The following CDYL variants were observed in gnomAD, a reference collection of about 807,000 sequenced individuals.
CDYL encodes the protein chromodomain Y-like protein.
A neutral mutation model predicts 47.3 loss-of-function variants in CDYL; 8 were observed. The ratio of observed to expected loss-of-function variants is 0.17; its 90% confidence interval spans 0.10 to 0.31. The LOEUF is 0.31. CDYL is among the 10% of genes least tolerant of loss of function. The pLI, the probability that CDYL is intolerant of heterozygous loss-of-function variation, is 1.00. For synonymous variants in CDYL, 266 were observed against 265.0 expected (o/e 1.00, Z -0.04); for missense variants, 471 against 701.4 (o/e 0.67, Z 3.71).
intron 1 of CDYL, among the ~76,000 whole-genome samples, chr6:4,712,868 G>A (rs1757176966): frequency 1.3e-5 from 2 of 152,220 alleles, no homozygotes; most frequent in Admixed American, 1.3e-4. Flanking sequence ...TACCAAGTAT[G>A]TGAGCCTGGG....
intron 1 of CDYL, among the ~76,000 whole-genome samples, chr6:4,829,491 A>G (rs1248822654): frequency 6.6e-6 from 1 of 152,192 alleles, no homozygotes; most frequent in African/African-American, 2.4e-5. Context: ...GATCAGTCTG[A>G]GGTGAAAGCC....
intron 1 of CDYL, among the ~76,000 whole-genome samples, chr6:4,848,179 A>G (rs1019829026): frequency 6.6e-6 from 1 of 152,156 alleles, no homozygotes; most frequent in Admixed American, 6.5e-5. Flanking sequence ...AAGGCAGGGT[A>G]TTTTTGGGAG....
intron 2 of CDYL, among the ~76,000 whole-genome samples, chr6:4,918,329 C>T (rs1757613382): frequency 6.6e-6 from 1 of 151,782 alleles, no homozygotes; most frequent in African/African-American, 2.4e-5. Context: ...TTAATTCTGC[C>T]TTATTCTCTG....
At chr6:4,853,741 G>C (rs930587532) in intron 1 of CDYL, among the ~76,000 whole-genome samples, 2 of 152,226 alleles carry the variant, frequency 1.3e-5, no homozygotes, top group East Asian at 3.8e-4. Flanking sequence ...TTGCGTACAG[G>C]ATAGAGCCCA....
intron 2 of CDYL, among the ~76,000 whole-genome samples, chr6:4,726,428 A>AG: frequency 6.6e-6 from 1 of 151,480 alleles, no homozygotes; most frequent in East Asian, 2.0e-4. Flanking sequence ...GCTACTCAGG[A>AG]GGCTGAGGCA....
At chr6:4,857,000 C>T (rs1168201490) in intron 1 of CDYL, among the ~76,000 whole-genome samples, 1 of 152,162 alleles carries the variant, frequency 6.6e-6, no homozygotes, top group Non-Finnish European at 1.5e-5. Flanking sequence ...GGGGGAAGTC[C>T]ACAGAGGTGA....
chr6:4,770,574 A>G (rs1478427097), intron 3 of CDYL, among the ~76,000 whole-genome samples: 1 of 152,078 alleles, frequency 6.6e-6, no homozygotes. Flanking sequence ...ACCAAATTAA[A>G]CTTCACATTC....
intron 1 of CDYL, among the ~76,000 whole-genome samples, chr6:4,829,956 T>C (rs1370083671): frequency 6.6e-6 from 1 of 152,344 alleles, no homozygotes; most frequent in African/African-American, 2.4e-5. Flanking sequence ...GCTTCTTGAT[T>C]CAATGTTCAC....
chr6:4,732,593 T>C (rs1582291484), intron 2 of CDYL, among the ~76,000 whole-genome samples: 1 of 145,310 alleles, frequency 6.9e-6, no homozygotes, highest in Admixed American at 7.1e-5. Flanking sequence ...GCCTGGGAGG[T>C]TGAGGCAGCA....
upstream of CDYL, chr6:4,773,154 G>A (rs1758363170): frequency 4.4e-6 from 2 of 457,258 alleles, no homozygotes; most frequent in Non-Finnish European, 8.8e-6. The surrounding 1 kb of genome is among the most constrained non-coding windows in gnomAD (Gnocchi z 4.6). Context: ...AATTATGTTG[G>A]CCTACAACAA....
chr6:4,896,672 G>C (rs1762293254), intron 2 of CDYL, among the ~76,000 whole-genome samples: 1 of 152,186 alleles, frequency 6.6e-6, no homozygotes, highest in Non-Finnish European at 1.5e-5. Flanking sequence ...CTGTTAGGCT[G>C]TTGGTCCACA....
intron 1 of CDYL, among the ~76,000 whole-genome samples, chr6:4,875,381 T>G (rs1205734509): frequency 6.6e-6 from 1 of 152,246 alleles, no homozygotes; most frequent in Non-Finnish European, 1.5e-5. Flanking sequence ...ATTGGGATTG[T>G]ATTGTATCTG....
chr6:4,878,975 A>C (rs1413802200), intron 1 of CDYL, among the ~76,000 whole-genome samples: 3 of 152,122 alleles, frequency 2.0e-5, no homozygotes, highest in African/African-American at 7.2e-5. Flanking sequence ...TTTATTTAGA[A>C]AAATTTACTA....
At chr6:4,728,449 G>T (rs1203884863) in intron 2 of CDYL, among the ~76,000 whole-genome samples, 2 of 152,212 alleles carry the variant, frequency 1.3e-5, no homozygotes, top group East Asian at 3.9e-4. Flanking sequence ...CTTCCGTCCC[G>T]CTTGCTTCTA....
At chr6:4,721,924 G>C (rs944771093) in intron 2 of CDYL, among the ~76,000 whole-genome samples, 4 of 151,492 alleles carry the variant, frequency 2.6e-5, no homozygotes, top group Non-Finnish European at 5.9e-5. Context: ...ATGCAGTAGC[G>C]TGATTTCGGC....
Position 4,803,261 on chromosome 6 carries a change from CATCA to C in CDYL, c.24+26455_24+26458del, listed in dbSNP as rs541871931. On this transcript the variant is annotated intron_variant, in intron 1 of 6. Transcript: ENST00000397588. ...GTGTCAGGGTTCTTCTGCTCCCATC[CATCA>C]GACACCCTGTTGCTATCCTCTGCTT... Among the ~76,000 whole-genome samples the C allele has an allele frequency of 1.1e-3, 168 of 152,332 alleles. 3 individuals are homozygous for C. Among genetic ancestry groups the C allele is most frequent in the South Asian group, 9.7e-3 (47 of 4,830 alleles).
intron 5 of CDYL, among the ~76,000 whole-genome samples, chr6:4,949,766 G>A (rs1368371875): frequency 1.3e-5 from 2 of 152,228 alleles, no homozygotes; most frequent in South Asian, 4.1e-4. Flanking sequence ...CAAATTGCGT[G>A]TATTTAATCC....
intron 1 of CDYL, among the ~76,000 whole-genome samples, chr6:4,870,804 A>G (rs1453117974): frequency 1.3e-5 from 2 of 152,150 alleles, no homozygotes; most frequent in Non-Finnish European, 2.9e-5. Flanking sequence ...TTGGATTTTT[A>G]AACTCTAGAA....
intron 5 of CDYL, among the ~76,000 whole-genome samples, chr6:4,947,564 G>A (rs1758561716): frequency 6.6e-6 from 1 of 152,170 alleles, no homozygotes; most frequent in Admixed American, 6.5e-5. Context: ...GGCTGCCTGT[G>A]CCAGGTACTG....
Sources: allele counts gnomAD v4.1 joint callset (sites outside exome capture counted in the v4.1 genomes callset), GRCh38; gene constraint gnomAD v4.1.1; non-coding constraint Gnocchi (gnomAD v3.1); transcripts MANE v1.5; gene names NCBI Gene and HGNC (gene_info 2026-07-23, HGNC 2026-07-21).